The following TCF20 variants were observed in gnomAD, a reference collection of about 807,000 sequenced individuals.
TCF20 encodes the protein transcription factor 20.
TCF20 carries 3 observed loss-of-function variants against 148.6 expected under a neutral mutation model. That is an observed-to-expected ratio of 0.02 (90% CI 0.01 to 0.05). The LOEUF is 0.05. Among genes scored for constraint, TCF20 ranks in the 10% least tolerant of loss-of-function variants. TCF20 has a pLI of 1.00. For missense variants in TCF20, 2,350 were observed against 2,429.3 expected (o/e 0.97, Z 0.69); for synonymous variants, 1,049 against 909.5 (o/e 1.15, Z -2.76).
rs1378484750 is a variant in TCF20 at position 42,212,295 on chromosome 22, C to G, written c.3011G>C (p.Arg1004Pro). The change falls in exon 2 of 6, where the codon CGG becomes CCG. Residue 1004 changes from arginine to proline, a missense_variant. Transcript: ENST00000677622. ...RVGGREGMRG[R>P]SPSQYHDFAE... ...AAAGTCATGATATTGAGAAGGGGAC[C>G]GACCCCTCATGCCCTCCCGACCACC... 6.2e-7 allele frequency: 1 copy of G among 1,614,148 alleles called. No homozygotes were observed. The highest frequency in any genetic ancestry group is 1.7e-5 in the Admixed American group (1 of 60,024).
rs775132778 is a variant in TCF20, at chr22:42,214,339, G to C, written c.967C>G (p.His323Asp). The change falls in exon 2 of 6, where the codon CAC becomes GAC. Residue 323 changes from histidine (H) to aspartate (D), a missense_variant. Physicochemically the swap from His to Asp is moderately conservative, Grantham distance 81. Coordinates refer to ENST00000677622, the MANE Select transcript of TCF20 (RefSeq NM_001378418.1). ...TACTGCATCACATGCTGAGAAGGGT[G>C]TTGTTGTTGCTGCGGTTGCTGCTGC... The part of the protein sequence containing the change: ...QQQQQPQQQQ[H>D]PSQHVMQYTN... 3 of 1,609,542 alleles carry C rather than the reference G, an allele frequency of 1.9e-6. No homozygotes were observed. The highest frequency in any genetic ancestry group is 2.6e-6 in the Non-Finnish European group (3 of 1,176,050).
chr22:42,305,329 T>C (rs554553897), intron 1 of TCF20, among the ~76,000 whole-genome samples: 1 of 152,084 alleles, frequency 6.6e-6, no homozygotes, highest in South Asian at 2.1e-4. Context: ...GGCACTGCCA[T>C]CCACCTGGGG....
intron 3 of TCF20, among the ~76,000 whole-genome samples, chr22:42,175,667 T>C (rs1936405737): frequency 6.6e-6 from 1 of 151,876 alleles, no homozygotes; most frequent in South Asian, 2.1e-4. Context: ...AAGAGAAGGA[T>C]TTAACAGCTG....
intron 1 of TCF20, among the ~76,000 whole-genome samples, chr22:42,320,211 C>T (rs1208915497): frequency 6.6e-6 from 1 of 152,218 alleles, no homozygotes; most frequent in African/African-American, 2.4e-5. Context: ...CTCCTTTGGG[C>T]CTCTGGACTC....
intron 1 of TCF20, among the ~76,000 whole-genome samples, chr22:42,296,457 G>T (rs963319036): frequency 2.0e-5 from 3 of 152,258 alleles, no homozygotes; most frequent in African/African-American, 7.2e-5. Context: ...CAAGGGCCAT[G>T]AGGGGCAGTT....
In TCF20 at chr22:42,212,237, G is replaced by A. The variant is rs140878533; in HGVS notation, c.3069C>T (p.Ser1023=). 6 of 1,614,188 alleles carry A rather than the reference G, an allele frequency of 3.7e-6. No homozygotes were observed. Among genetic ancestry groups the A allele is most frequent in the Admixed American group, 1.7e-5 (1 of 60,028 alleles). Residue 1023 remains serine (S), a synonymous_variant, in exon 2 of 6, where the codon AGC becomes AGT. Transcript: ENST00000677622. ...GATGAGGGTCTCCCCCTGGGCCTCTGCTCCGCCCAGGAGACATTTTCAATT... is the reference window on the plus strand; with the variant it reads ...GATGAGGGTCTCCCCCTGGGCCTCTACTCCGCCCAGGAGACATTTTCAATT... ...AEKLKMSPGR[S]RGPGGDPHHM...
chr22:42,237,796 A>C (rs1924017076), intron 1 of TCF20, among the ~76,000 whole-genome samples: 1 of 152,232 alleles, frequency 6.6e-6, no homozygotes, highest in African/African-American at 2.4e-5. Context: ...TCAAGAAGTA[A>C]TATTCTGAAA....
In TCF20 at chr22:42,290,999, G is replaced by A. The variant is rs1927122913; in HGVS notation, c.-37+52480C>T. Among the ~76,000 whole-genome samples the A allele has an allele frequency of 6.6e-6, 1 of 152,190 alleles. No homozygotes were observed. The highest frequency in any genetic ancestry group is 1.5e-5 in the Non-Finnish European group (1 of 68,026). ...AATAAGGAAACTGAGGCATGGAGAG[G>A]TGAAGTAAGGGGTCCAGCCAGATCC... is the stretch of plus-strand genomic sequence containing the variant. On this transcript the variant is annotated intron_variant, in intron 1 of 1. Transcript: ENST00000515426. The surrounding 1 kb of genome is among the most constrained non-coding windows in gnomAD (Gnocchi z 4.2).
At chr22:42,163,307 C>T (rs944642887) in intron 5 of TCF20, among the ~76,000 whole-genome samples, 3 of 152,226 alleles carry the variant, frequency 2.0e-5, no homozygotes, top group Non-Finnish European at 2.9e-5. Context: ...GCCCAGGCAG[C>T]GGCAGTTCCT....
At chr22:42,307,881 C>T (rs749357914) in intron 1 of TCF20, among the ~76,000 whole-genome samples, 22 of 152,204 alleles carry the variant, frequency 1.4e-4, no homozygotes, top group Non-Finnish European at 2.9e-4. Flanking sequence ...TGGACACCGG[C>T]CTCCTGTGGT....
At chr22:42,224,326 G>A (rs1922653383) in intron 1 of TCF20, among the ~76,000 whole-genome samples, 1 of 151,830 alleles carries the variant, frequency 6.6e-6, no homozygotes, top group Admixed American at 6.6e-5. Flanking sequence ...AAAAAAATTA[G>A]TCGGGCGTGG....
Position 42,210,818 on chromosome 22 carries a change from A to G in TCF20, c.4488T>C (p.Asn1496=). ...GGGCCAATATGCCCACTGGAGGTAC[A>G]TTCTTTGAGTCTGGAAAGATTAAAG... is the stretch of plus-strand genomic sequence containing the variant. ...TAPLIFPDSK[N]VPPVGILAPE... Residue 1496 remains asparagine, a synonymous_variant, in exon 2 of 6, where the codon AAT becomes AAC. Transcript: ENST00000677622. The surrounding 1 kb of genome is among the most constrained non-coding windows in gnomAD (Gnocchi z 4.7). The G allele has an allele frequency of 6.2e-7, 1 of 1,614,154 alleles. No individual in the cohort carries two copies. The highest frequency in any genetic ancestry group is 8.5e-7 in the Non-Finnish European group (1 of 1,180,036).
chr22:42,214,778 C>T lies in TCF20; in HGVS notation c.528G>A (p.Gln176=). 1 of 1,614,132 alleles carries T rather than the reference C, an allele frequency of 6.2e-7. No individual in the cohort carries two copies. The highest frequency in any genetic ancestry group is 8.5e-7 in the Non-Finnish European group (1 of 1,180,044). ...QYQQQASSQQ[Q]QQQVQQLRQQ... is the part of the protein sequence containing the mutation. ...GTCTCAACTGCTGGACTTGCTGCTG[C>T]TGCTGCTGGCTGGAAGCCTGCTGTT... The change falls in exon 2 of 6, where the codon CAG becomes CAA. Residue 176 remains glutamine (Q), a synonymous_variant. Transcript: ENST00000677622.
rs1490190033 is a variant in TCF20 at position 42,299,978 on chromosome 22, A to AG, written c.-37+43500dup. ...AGGAAGGGCGGGGAGGGGGAGGGGG[A>AG]GGGGCGCGCTGAAATCACCCGCAAC... On this transcript the variant is annotated intron_variant, in intron 1 of 1. Transcript: ENST00000515426. This position sits in a 1 kb window ranked among gnomAD's most constrained non-coding sequence, Gnocchi z 4.1. Among the ~76,000 whole-genome samples the AG allele has an allele frequency of 1.7e-5, 1 of 60,346 alleles. No homozygotes were observed. The highest frequency in any genetic ancestry group is 6.6e-5 in the African/African-American group (1 of 15,182). 39.6% of individuals were successfully genotyped at this position (60,346 alleles called of 152,430 possible). A position where few individuals can be genotyped will look rare whatever the true frequency, so the allele number is the denominator to read the frequency against.
Position 42,179,611 on chromosome 22 carries a change from G to C in TCF20, c.5747C>G (p.Ala1916Gly), listed in dbSNP as rs764029239. Residue 1916 changes from alanine (A) to glycine (G), a missense_variant and splice_region_variant, in exon 3 of 6, where the codon GCA becomes GGA. Ala to Gly is a moderately conservative substitution (Grantham distance 60). This residue lies in a region of TCF20 where 67 missense variants were observed against 60.8 expected (regional missense o/e 1.10). Coordinates refer to ENST00000677622, the MANE Select transcript of TCF20 (RefSeq NM_001378418.1). ...AAGGGTCTGTGGTCTCCTCTTACCT[G>C]CATCAATGGCACACGGGTAATGGTA... ...FRYHYPCAID[A>G]DCLLHEENFS... 1.9e-6 allele frequency: 3 copies of C among 1,613,012 alleles called. No individual in the cohort carries two copies. Among genetic ancestry groups the C allele is most frequent in the Non-Finnish European group, 2.5e-6 (3 of 1,179,078 alleles).
At chr22:42,220,365 A>G (rs1037230440) in intron 1 of TCF20, among the ~76,000 whole-genome samples, 3 of 152,160 alleles carry the variant, frequency 2.0e-5, no homozygotes, top group African/African-American at 7.2e-5. Flanking sequence ...GCTAATTTTT[A>G]TAATTTCTTA....
intron 1 of TCF20, among the ~76,000 whole-genome samples, chr22:42,239,528 C>T (rs1924204777): frequency 6.6e-6 from 1 of 151,986 alleles, no homozygotes; most frequent in Non-Finnish European, 1.5e-5. Flanking sequence ...TGGCTCATGC[C>T]TGTAATCCCA....
chr22:42,233,396 T>C (rs900125188), intron 1 of TCF20, among the ~76,000 whole-genome samples: 1 of 152,220 alleles, frequency 6.6e-6, no homozygotes, highest in East Asian at 1.9e-4. Flanking sequence ...ACTTCTACTG[T>C]TCTTAGCAAT....
rs186865663 is a variant in TCF20 at position 42,299,766 on chromosome 22, G to A, written c.-37+43713C>T. Among the ~76,000 whole-genome samples, 321 of 152,046 alleles carry A rather than the reference G, an allele frequency of 2.1e-3. 2 individuals carry two copies. Among genetic ancestry groups the A allele is most frequent in the South Asian group, 2.3e-3 (11 of 4,814 alleles). Reference sequence around the variant, plus strand: ...AGTGCAATTAGCAGGTACCTGGAGTGGGGTCGGTAAGAGAGAATAGCAGAG... The same window carrying A: ...AGTGCAATTAGCAGGTACCTGGAGTAGGGTCGGTAAGAGAGAATAGCAGAG... On this transcript the variant is annotated intron_variant, in intron 1 of 1. Coordinates refer to the TCF20 transcript ENST00000515426. The surrounding 1 kb of genome is among the most constrained non-coding windows in gnomAD (Gnocchi z 4.1).
Sources: gnomAD v4.1 joint callset for allele counts (sites outside exome capture counted in the v4.1 genomes callset) on GRCh38, gnomAD v4.1.1 for gene constraint, gnomAD v4.1.1 regional missense constraint, Gnocchi (gnomAD v3.1) non-coding constraint, MANE v1.5 for transcripts, NCBI Gene and HGNC (gene_info 2026-07-23, HGNC 2026-07-21) for gene names.